EHBP1: variants seen among roughly 807,000 people sequenced by gnomAD.
EHBP1 encodes the protein EH domain binding protein 1.
In EHBP1, 55 loss-of-function variants were observed where a neutral mutation model predicts 144.0. The ratio of observed to expected loss-of-function variants is 0.38; its 90% CI spans 0.31 to 0.48. The LOEUF (loss-of-function observed/expected upper bound fraction) is 0.48. Among genes scored for constraint, EHBP1 ranks in the 20% least tolerant of loss-of-function variants. The pLI is 0.98. For synonymous variants in EHBP1, 469 were observed against 472.7 expected (o/e 0.99, Z 0.10); for missense variants, 1,200 against 1,364.2 (o/e 0.88, Z 1.90).
chr2:62,885,574 G>A (rs1228608699), intron 10 of EHBP1, among the ~76,000 whole-genome samples: 1 of 151,726 alleles, frequency 6.6e-6, no homozygotes, highest in Non-Finnish European at 1.5e-5. Flanking sequence ...AATACAACAT[G>A]CAATTTAAGT....
At chr2:62,875,834 A>G (rs766740149) in intron 10 of EHBP1, among the ~76,000 whole-genome samples, 8 of 152,230 alleles carry the variant, frequency 5.3e-5, no homozygotes, top group Non-Finnish European at 1.2e-4. Flanking sequence ...GGATTTCATA[A>G]TACAATGGGA....
At position 62,839,448 on chromosome 2, in the gene EHBP1, C is replaced by G. The variant is rs531016660; in HGVS notation, c.634+8290C>G. On this transcript the variant is annotated intron_variant, in intron 7 of 22. Coordinates refer to ENST00000431489, the MANE Select transcript of EHBP1 (RefSeq NM_001142616.3). ...AACTGGCACAAGACAGGGATGCCCT[C>G]TCTCACCACTCCTATTCAACATAGT... Among the ~76,000 whole-genome samples, 388 of 145,464 alleles carry G rather than the reference C, an allele frequency of 2.7e-3. 2 individuals carry two copies. The highest frequency in any genetic ancestry group is 9.6e-3 in the African/African-American group (374 of 38,786).
At chr2:62,867,547 A>C (rs1328868762) in intron 9 of EHBP1, among the ~76,000 whole-genome samples, 1 of 152,202 alleles carries the variant, frequency 6.6e-6, no homozygotes, top group African/African-American at 2.4e-5. Flanking sequence ...ATATACCGAA[A>C]ACAACAGAAC....
At chr2:62,848,052 T>C (rs2048416839) in intron 7 of EHBP1, among the ~76,000 whole-genome samples, 1 of 151,520 alleles carries the variant, frequency 6.6e-6, no homozygotes, top group East Asian at 1.9e-4. Flanking sequence ...GAATGTATAA[T>C]GGTACCATCA....
intron 1 of EHBP1, among the ~76,000 whole-genome samples, chr2:62,692,789 C>T (rs1222496875): frequency 1.3e-5 from 2 of 151,410 alleles, no homozygotes; most frequent in Non-Finnish European, 2.9e-5. Context: ...TTATGGGGTA[C>T]CTGAGATACT....
intron 4 of EHBP1, among the ~76,000 whole-genome samples, chr2:62,770,818 C>T (rs757370708): frequency 2.6e-5 from 4 of 152,136 alleles, no homozygotes; most frequent in Non-Finnish European, 5.9e-5. Context: ...GAATACTATG[C>T]GGCCATAAAA....
intron 5 of EHBP1, among the ~76,000 whole-genome samples, chr2:62,790,411 A>G (rs2043094655): frequency 6.6e-6 from 1 of 152,176 alleles, no homozygotes; most frequent in South Asian, 2.1e-4. Context: ...AATAATAGGA[A>G]GTAAATTGTT....
At chr2:62,686,853 G>A (rs1426454344) in intron 1 of EHBP1, among the ~76,000 whole-genome samples, 2 of 152,196 alleles carry the variant, frequency 1.3e-5, no homozygotes, top group African/African-American at 4.8e-5. Flanking sequence ...CCTGGTTTGG[G>A]TTCCTTTAAA....
chr2:62,725,946 A>G (rs542492176), intron 2 of EHBP1, among the ~76,000 whole-genome samples: 2 of 152,084 alleles, frequency 1.3e-5, no homozygotes, highest in South Asian at 4.2e-4. Context: ...GTGGGCCCCT[A>G]GGGCGCTCAA....
chr2:62,747,854 G>A (rs1484209911), intron 3 of EHBP1, among the ~76,000 whole-genome samples: 2 of 151,910 alleles, frequency 1.3e-5, no homozygotes, highest in East Asian at 1.9e-4. Flanking sequence ...AATTCAATTA[G>A]GCATCCTTAT....
chr2:62,809,461 C>T (rs1211156041), intron 5 of EHBP1, among the ~76,000 whole-genome samples: 5 of 151,968 alleles, frequency 3.3e-5, no homozygotes, highest in Non-Finnish European at 7.4e-5. Context: ...ATGGGGTTGC[C>T]GTGTGACCTT....
At chr2:62,850,073 G>A (rs1294402952) in intron 7 of EHBP1, among the ~76,000 whole-genome samples, 1 of 152,154 alleles carries the variant, frequency 6.6e-6, no homozygotes, top group Admixed American at 6.5e-5. Context: ...CTCTCTGTCC[G>A]AGATAGGAGG....
At chr2:63,013,454 G>T (rs2060352912) in intron 19 of EHBP1, among the ~76,000 whole-genome samples, 1 of 152,146 alleles carries the variant, frequency 6.6e-6, no homozygotes, top group Non-Finnish European at 1.5e-5. Flanking sequence ...GGCTGAATGT[G>T]CAGGAAAGTT....
rs2056825346 is a variant in EHBP1 at position 62,942,629 on chromosome 2, G to A, written c.1186-89G>A. 7.9e-6 allele frequency: 9 copies of A among 1,145,912 alleles called. No individual in the cohort carries two copies. The South Asian group carries it at 1.9e-4, about 24-fold the overall frequency. The allele number at this position is 1,145,912 out of a possible 1,614,324, so 71.0% of individuals were successfully genotyped here. ...TGAAGGATCTAAACTGACATCAAAG[G>A]GTTCAAATGATCTGATTAGGTCAAT... On this transcript the variant is annotated intron_variant, in intron 10 of 22. Coordinates refer to ENST00000431489, the MANE Select transcript of EHBP1 (RefSeq NM_001142616.3).
At chr2:62,938,807 A>G (rs373405548) in intron 10 of EHBP1, among the ~76,000 whole-genome samples, 1,892 of 111,748 alleles carry the variant, frequency 0.017, 32 homozygotes, top group African/African-American at 0.048. Flanking sequence ...TTTGTGGGGG[A>G]AAAAAAAAAG....
chr2:62,903,585 A>G lies in EHBP1; in HGVS notation c.1185+29053A>G, dbSNP rs562380705. ...TGACTCCACCTTGGGCAACATAGTTAGACCCTGTCTCTACAAATTTCTTTT... is the reference window on the plus strand; with the variant it reads ...TGACTCCACCTTGGGCAACATAGTTGGACCCTGTCTCTACAAATTTCTTTT... On this transcript the variant is annotated intron_variant, in intron 10 of 22. Coordinates refer to ENST00000431489, the MANE Select transcript of EHBP1 (RefSeq NM_001142616.3). 3.3e-5 allele frequency among the ~76,000 whole-genome samples: 5 copies of G among 152,290 alleles called. No homozygotes were observed. The South Asian group carries it at 1.0e-3, about 32-fold the overall frequency.
At chr2:62,840,526 A>G (rs1301100936) in intron 7 of EHBP1, among the ~76,000 whole-genome samples, 1 of 150,666 alleles carries the variant, frequency 6.6e-6, no homozygotes, top group Admixed American at 6.6e-5. Context: ...GCACAGCAAA[A>G]GAAACTACCA....
intron 2 of EHBP1, among the ~76,000 whole-genome samples, chr2:62,717,367 A>G (rs917485327): frequency 6.6e-6 from 1 of 152,232 alleles, no homozygotes; most frequent in African/African-American, 2.4e-5. Context: ...GGAAATTTCA[A>G]CAAAAGAGCC....
intron 2 of EHBP1, among the ~76,000 whole-genome samples, chr2:62,734,909 G>GT (rs960673878): frequency 5.9e-5 from 9 of 151,750 alleles, no homozygotes; most frequent in Non-Finnish European, 1.2e-4. Context: ...ATGGGTTTCT[G>GT]TTTTTTTTGA....
Sources: allele counts gnomAD v4.1 joint callset (sites outside exome capture counted in the v4.1 genomes callset), GRCh38; gene constraint gnomAD v4.1.1; transcripts MANE v1.5; gene names NCBI Gene and HGNC (gene_info 2026-07-23, HGNC 2026-07-21).